Variants in KHDRBS2 observed in about 807,000 individuals in gnomAD.
KHDRBS2 encodes KH domain-containing, RNA-binding, signal transduction-associated protein 2.
A neutral mutation model predicts 44.3 loss-of-function variants in KHDRBS2; 26 were observed. That is an observed-to-expected ratio of 0.59 (90% CI 0.43 to 0.81). The LOEUF is 0.81. Among genes scored for constraint, KHDRBS2 ranks in the 40% least tolerant of loss-of-function variants. The pLI is 0.00. For synonymous variants in KHDRBS2, 194 were observed against 151.1 expected (o/e 1.28, Z -2.08); for missense variants, 476 against 433.1 (o/e 1.10, Z -0.88).
intron 4 of KHDRBS2, among the ~76,000 whole-genome samples, chr6:61,912,482 T>C (rs1368411560): frequency 6.6e-6 from 1 of 152,144 alleles, no homozygotes; most frequent in Non-Finnish European, 1.5e-5. Flanking sequence ...TGCCTGTCTT[T>C]GAGGTGAATT....
intron 4 of KHDRBS2, among the ~76,000 whole-genome samples, chr6:61,970,796 A>G (rs966985929): frequency 2.6e-5 from 4 of 152,140 alleles, no homozygotes; most frequent in Non-Finnish European, 5.9e-5. Context: ...TGACCTTTTC[A>G]CAAAGCTCTT....
intron 1 of KHDRBS2, among the ~76,000 whole-genome samples, chr6:62,209,022 A>C (rs1319265531): frequency 6.6e-6 from 1 of 152,210 alleles, no homozygotes; most frequent in African/African-American, 2.4e-5. Flanking sequence ...CAAACTAAAA[A>C]GCTTCTGCAC....
intron 4 of KHDRBS2, among the ~76,000 whole-genome samples, chr6:61,927,180 T>C (rs574323556): frequency 6.6e-6 from 1 of 152,174 alleles, no homozygotes; most frequent in Non-Finnish European, 1.5e-5. Context: ...ACAATAATAA[T>C]ATAATATTAT....
intron 6 of KHDRBS2, among the ~76,000 whole-genome samples, chr6:61,752,060 G>A (rs555254928): frequency 2.9e-4 from 44 of 152,108 alleles, no homozygotes; most frequent in Middle Eastern, 3.4e-3. Flanking sequence ...GCCCTGTCTC[G>A]AAAACAGTAA....
intron 3 of KHDRBS2, among the ~76,000 whole-genome samples, chr6:61,999,347 A>G (rs1374089112): frequency 6.6e-6 from 1 of 152,158 alleles, no homozygotes; most frequent in Non-Finnish European, 1.5e-5. Context: ...AGTTACTGAA[A>G]TGGATATTTA....
chr6:61,996,054 T>C (rs1446398571), intron 3 of KHDRBS2, among the ~76,000 whole-genome samples: 1 of 152,168 alleles, frequency 6.6e-6, no homozygotes, highest in Admixed American at 6.5e-5. Flanking sequence ...TGAACACAAG[T>C]ATAACTACTT....
chr6:61,866,766 C>T (rs928359775), intron 6 of KHDRBS2, among the ~76,000 whole-genome samples: 1 of 152,192 alleles, frequency 6.6e-6, no homozygotes, highest in African/African-American at 2.4e-5. Context: ...TAAATCATCT[C>T]TCTCAAGTTC....
chr6:61,978,099 A>T lies in KHDRBS2; in HGVS notation c.450T>A (p.His150Gln), dbSNP rs1773077680. 1 of 1,608,960 alleles carries T rather than the reference A, an allele frequency of 6.2e-7. No individual in the cohort carries two copies. Among genetic ancestry groups the T allele is most frequent in the Admixed American group, 1.7e-5 (1 of 59,172 alleles). ...PPGEAYSRMS[H>Q]ALEEIKKFLV... ...GGAATTTTTTAATCTCTTCCAATGC[A>T]TGACTCATACGTGAATAAGCTTCCC... The change falls in exon 4 of 9, where the codon CAT (histidine) becomes CAA (glutamine). Residue 150 changes from histidine (H) to glutamine (Q), a missense_variant. His to Gln is a conservative substitution (Grantham distance 24). Transcript: ENST00000281156.
chr6:62,061,542 C>T (rs1173108567), intron 2 of KHDRBS2, among the ~76,000 whole-genome samples: 31 of 148,666 alleles, frequency 2.1e-4, no homozygotes, highest in South Asian at 2.1e-4. Context: ...CCAAGAGATC[C>T]GCTGTTAGTC....
At chr6:61,763,825 T>G (rs1190181167) in intron 6 of KHDRBS2, among the ~76,000 whole-genome samples, 2 of 152,154 alleles carry the variant, frequency 1.3e-5, no homozygotes, top group Non-Finnish European at 2.9e-5. Flanking sequence ...AAAATTTATT[T>G]TATTTTATTT....
intron 3 of KHDRBS2, among the ~76,000 whole-genome samples, chr6:62,014,691 A>G (rs764608359): frequency 1.3e-5 from 2 of 152,182 alleles, no homozygotes; most frequent in Non-Finnish European, 2.9e-5. Flanking sequence ...TTTCTCTTAA[A>G]TAATATTCAA....
intron 6 of KHDRBS2, among the ~76,000 whole-genome samples, chr6:61,856,427 G>A (rs919960395): frequency 3.9e-5 from 6 of 152,076 alleles, no homozygotes; most frequent in Admixed American, 6.6e-5. Flanking sequence ...GCAGAGGGTG[G>A]AGTCTGAAGA....
At chr6:61,548,818 A>G in the KHDRBS2 span, among the ~76,000 whole-genome samples, 1 of 152,112 alleles carries the variant, frequency 6.6e-6, no homozygotes, top group Non-Finnish European at 1.5e-5. Flanking sequence ...AAAAACACAA[A>G]TCATTGGCCA....
intron 2 of KHDRBS2, among the ~76,000 whole-genome samples, chr6:62,058,260 G>A (rs767409992): frequency 1.3e-5 from 2 of 151,852 alleles, no homozygotes; most frequent in African/African-American, 2.4e-5. Context: ...TTCCTGAACA[G>A]CCAATCTCTC....
chr6:61,891,786 C>T (rs1801890605), intron 6 of KHDRBS2, among the ~76,000 whole-genome samples: 1 of 152,100 alleles, frequency 6.6e-6, no homozygotes, highest in African/African-American at 2.4e-5. Flanking sequence ...AAAACCACAG[C>T]CAATATCATA....
chr6:61,775,298 C>G (rs909214947), intron 6 of KHDRBS2, among the ~76,000 whole-genome samples: 2 of 151,948 alleles, frequency 1.3e-5, no homozygotes, highest in Non-Finnish European at 2.9e-5. Flanking sequence ...CCAGGGCAAT[C>G]AAGCAGCAGA....
At chr6:61,648,941 T>C in the KHDRBS2 span, among the ~76,000 whole-genome samples, 1 of 152,096 alleles carries the variant, frequency 6.6e-6, no homozygotes, top group Non-Finnish European at 1.5e-5. Flanking sequence ...CTATGCTAAT[T>C]ATTTCCATCC....
intron 6 of KHDRBS2, among the ~76,000 whole-genome samples, chr6:61,845,008 A>T (rs1404793292): frequency 6.6e-6 from 1 of 152,190 alleles, no homozygotes; most frequent in Non-Finnish European, 1.5e-5. Flanking sequence ...CATAAATATT[A>T]CATGCTTAGA....
chr6:61,667,629 A>C, the KHDRBS2 span, among the ~76,000 whole-genome samples: 1 of 151,282 alleles, frequency 6.6e-6, no homozygotes, highest in Admixed American at 6.6e-5. Context: ...TCATCTTTAA[A>C]CCAAGATACT....
Sources: gnomAD v4.1 joint callset for allele counts (sites outside exome capture counted in the v4.1 genomes callset) on GRCh38, gnomAD v4.1.1 for gene constraint, MANE v1.5 for transcripts, NCBI Gene and HGNC (gene_info 2026-07-23, HGNC 2026-07-21) for gene names.